The following MGMT variants were observed in gnomAD, a reference collection of about 807,000 sequenced individuals.
MGMT encodes the protein methylated-DNA--protein-cysteine methyltransferase.
MGMT carries 14 observed loss-of-function variants against 15.9 expected under a neutral mutation model. The ratio of observed to expected loss-of-function variants is 0.88; its 90% CI spans 0.58 to 1.37. The LOEUF is 1.37. Ranked by LOEUF, MGMT falls within the 40% of genes most tolerant of loss-of-function variation. The pLI is 0.00. For missense variants in MGMT, 282 were observed against 268.1 expected, an observed-to-expected ratio of 1.05 and a Z score of -0.36; for synonymous variants, 130 against 118.2, an observed-to-expected ratio of 1.10 and a Z score of -0.65.
chr10:129,542,585 C>T (rs1248351840), intron 2 of MGMT, among the ~76,000 whole-genome samples: 1 of 152,152 alleles, frequency 6.6e-6, no homozygotes, highest in Non-Finnish European at 1.5e-5. Flanking sequence ...TGTCTCATTG[C>T]TTTTCCTCAG....
At chr10:129,702,745 A>G (rs1042042893) in intron 2 of MGMT, among the ~76,000 whole-genome samples, 2 of 152,216 alleles carry the variant, frequency 1.3e-5, no homozygotes, top group African/African-American at 4.8e-5. Context: ...TCCCCCGGCA[A>G]GGATGGGGCG....
chr10:129,627,355 G>C (rs1847161425), intron 2 of MGMT, among the ~76,000 whole-genome samples: 1 of 151,998 alleles, frequency 6.6e-6, no homozygotes, highest in African/African-American at 2.4e-5. Context: ...AACAAAAACA[G>C]AAACTTGAAG....
chr10:129,729,709 A>G (rs967685318), intron 3 of MGMT, among the ~76,000 whole-genome samples: 3 of 152,208 alleles, frequency 2.0e-5, no homozygotes, highest in African/African-American at 7.2e-5. Context: ...CGCGTGGCAT[A>G]ATCCGTGTCC....
At chr10:129,564,404 T>G (rs1269337235) in intron 2 of MGMT, among the ~76,000 whole-genome samples, 1 of 42,004 alleles carries the variant, frequency 2.4e-5, no homozygotes, top group Non-Finnish European at 4.5e-5. Flanking sequence ...CTCCTCCTTC[T>G]CTTCCTCCTC....
At chr10:129,506,569 C>A (rs1228300220) in intron 1 of MGMT, among the ~76,000 whole-genome samples, 1 of 152,116 alleles carries the variant, frequency 6.6e-6, no homozygotes, top group Non-Finnish European at 1.5e-5. Context: ...TCATGCCCAG[C>A]GCTGGTGGCT....
intron 2 of MGMT, among the ~76,000 whole-genome samples, chr10:129,654,103 C>T (rs1042826393): frequency 1.3e-5 from 2 of 152,168 alleles, no homozygotes; most frequent in Non-Finnish European, 2.9e-5. Flanking sequence ...TTGCCCACCT[C>T]GGTGGCTGCC....
rs900526531 is a variant in MGMT, at chr10:129,769,988, C to A, written c.*2991C>A. Among the ~76,000 whole-genome samples the A allele has an allele frequency of 6.6e-6, 1 of 152,122 alleles. No homozygotes were observed. The highest frequency in any genetic ancestry group is 1.5e-5 in the Non-Finnish European group (1 of 68,030). On this transcript the variant is annotated 3_prime_UTR_variant, in exon 5 of 5. Coordinates refer to ENST00000651593, the MANE Select transcript of MGMT (RefSeq NM_002412.5). Reference sequence around the variant, plus strand: ...GCAAGCTCACCTTGTAGAGAACTTACTTGGGGTTTGTAATTTGTATACACT... The same window carrying A: ...GCAAGCTCACCTTGTAGAGAACTTAATTGGGGTTTGTAATTTGTATACACT...
chr10:129,725,240 A>G (rs1848418806), intron 3 of MGMT, among the ~76,000 whole-genome samples: 2 of 152,164 alleles, frequency 1.3e-5, no homozygotes, highest in Admixed American at 1.3e-4. Flanking sequence ...CACAGAATCC[A>G]CAGCCCAGGC....
chr10:129,621,647 A>G (rs1008714329), intron 2 of MGMT, among the ~76,000 whole-genome samples: 6 of 152,218 alleles, frequency 3.9e-5, no homozygotes, highest in African/African-American at 1.4e-4. Flanking sequence ...GGAGGTGTTA[A>G]GAAGTGGTTG....
At chr10:129,669,650 T>C (rs1847699578) in intron 2 of MGMT, among the ~76,000 whole-genome samples, 1 of 152,198 alleles carries the variant, frequency 6.6e-6, no homozygotes, top group Non-Finnish European at 1.5e-5. Flanking sequence ...CTTTGAAATA[T>C]GGAGATTTCT....
At chr10:129,694,788 A>G (rs1848011373) in intron 2 of MGMT, among the ~76,000 whole-genome samples, 1 of 152,274 alleles carries the variant, frequency 6.6e-6, no homozygotes, top group South Asian at 2.1e-4. Context: ...CAGCCAGCTC[A>G]AAGGAGAAAG....
In MGMT at chr10:129,493,276, G is replaced by C. The variant is rs564148223; in HGVS notation, c.-13+25980G>C. On this transcript the variant is annotated intron_variant, in intron 1 of 4. Transcript: ENST00000651593. The stretch of plus-strand genomic sequence containing the variant: ...CTTTCTAAGGCTTCTCACTCAATCA[G>C]GGCCCTCGGGTTGTCAGGGAGGCCC... Among the ~76,000 whole-genome samples the C allele has an allele frequency of 1.2e-4, 18 of 152,258 alleles. No homozygotes were observed. In the South Asian group the frequency reaches 3.7e-3, roughly 32 times the overall value.
chr10:129,589,928 G>A (rs1365634849), intron 2 of MGMT, among the ~76,000 whole-genome samples: 1 of 152,242 alleles, frequency 6.6e-6, no homozygotes, highest in Admixed American at 6.5e-5. Flanking sequence ...CAAGGGAGGG[G>A]TCCCAGGTGG....
chr10:129,604,635 G>A (rs909201784), intron 2 of MGMT, among the ~76,000 whole-genome samples: 4 of 152,166 alleles, frequency 2.6e-5, no homozygotes, highest in Non-Finnish European at 4.4e-5. Context: ...AGTGAAAGGA[G>A]TGGCTCCCTG....
At chr10:129,523,980 G>C (rs1248576527) in intron 1 of MGMT, among the ~76,000 whole-genome samples, 3 of 152,212 alleles carry the variant, frequency 2.0e-5, no homozygotes, top group African/African-American at 7.2e-5. Context: ...GTGCCTTGGA[G>C]GTAGCAGAAG....
At chr10:129,516,109 T>C in intron 1 of MGMT, among the ~76,000 whole-genome samples, 1 of 152,164 alleles carries the variant, frequency 6.6e-6, no homozygotes, top group East Asian at 1.9e-4. Context: ...TTATATTAGT[T>C]CTTTAAATAT....
intron 3 of MGMT, among the ~76,000 whole-genome samples, chr10:129,710,288 G>A (rs1466559006): frequency 2.6e-5 from 4 of 152,228 alleles, no homozygotes; most frequent in African/African-American, 7.2e-5. Context: ...CTCTAGCTGG[G>A]ACGAGGTCCA....
At chr10:129,574,486 G>A (rs1212368846) in intron 2 of MGMT, among the ~76,000 whole-genome samples, 1 of 152,100 alleles carries the variant, frequency 6.6e-6, no homozygotes, top group Non-Finnish European at 1.5e-5. Flanking sequence ...ATATGACTGA[G>A]TATCACATTT....
intron 1 of MGMT, 36 bp downstream of exon 1, chr10:129,467,332 C>A: frequency 6.6e-7 from 1 of 1,518,988 alleles, no homozygotes; most frequent in South Asian, 1.2e-5. Context: ...CGGAAGAGTG[C>A]GGAGCTCTCC....
Sources: allele counts gnomAD v4.1 joint callset (sites outside exome capture counted in the v4.1 genomes callset), GRCh38; gene constraint gnomAD v4.1.1; transcripts MANE v1.5; gene names NCBI Gene and HGNC (gene_info 2026-07-23, HGNC 2026-07-21).